Variants in KCNIP4 observed in about 807,000 individuals in gnomAD.
KCNIP4 encodes the protein potassium voltage-gated channel interacting protein 4.
KCNIP4 carries 12 observed loss-of-function variants against 34.0 expected under a neutral mutation model. The observed-to-expected ratio is 0.35, with a 90% CI of 0.23 to 0.57. The LOEUF (loss-of-function observed/expected upper bound fraction) is 0.57, where lower values mean the gene tolerates loss of function less well. Among genes scored for constraint, KCNIP4 ranks in the 20% least tolerant of loss-of-function variants. The pLI is 0.83. For synonymous variants in KCNIP4, 124 were observed against 102.2 expected (o/e 1.21, Z -1.29); for missense variants, 238 against 311.7 (o/e 0.76, Z 1.78).
intron 1 of KCNIP4, among the ~76,000 whole-genome samples, chr4:21,194,632 G>T (rs1342164578): frequency 1.3e-5 from 2 of 152,130 alleles, no homozygotes; most frequent in Admixed American, 6.5e-5. Flanking sequence ...AGTGGAAGTG[G>T]CATAGTCTTT....
Position 21,835,669 on chromosome 4 carries a change from G to A in KCNIP4, c.61+112902C>T, listed in dbSNP as rs372483544. ...TCCAACATTTACAAATTAAATTATC[G>A]GTATTTTCATACCCTATAGCCCAGA... is the stretch of plus-strand genomic sequence containing the variant. On this transcript the variant is annotated intron_variant, in intron 1 of 8. Transcript: ENST00000382152. Among the ~76,000 whole-genome samples the A allele has an allele frequency of 6.6e-5, 10 of 151,402 alleles. No homozygotes were observed. In the East Asian group the frequency reaches 7.8e-4, roughly 12 times the overall value.
chr4:20,774,696 A>T (rs538111795), intron 3 of KCNIP4, among the ~76,000 whole-genome samples: 2 of 152,286 alleles, frequency 1.3e-5, no homozygotes, highest in African/African-American at 4.8e-5. Flanking sequence ...GTGACATTTA[A>T]AGAGGGACCT....
At chr4:21,248,054 A>ATG (rs1760424254) in intron 1 of KCNIP4, among the ~76,000 whole-genome samples, 1 of 68,506 alleles carries the variant, frequency 1.5e-5, no homozygotes, top group Admixed American at 1.9e-4. Flanking sequence ...TGGAGCATAT[A>ATG]TATATATGTG....
At chr4:21,410,556 G>T (rs1724412907) in intron 1 of KCNIP4, among the ~76,000 whole-genome samples, 1 of 152,130 alleles carries the variant, frequency 6.6e-6, no homozygotes, top group Admixed American at 6.5e-5. Flanking sequence ...GTACCACCTT[G>T]TTAGCCATGT....
chr4:21,708,327 T>G (rs1483440931), intron 1 of KCNIP4, among the ~76,000 whole-genome samples: 4 of 152,124 alleles, frequency 2.6e-5, no homozygotes, highest in African/African-American at 9.7e-5. Context: ...GTTTGGCCTA[T>G]TTGCATCAGA....
intron 1 of KCNIP4, among the ~76,000 whole-genome samples, chr4:21,610,994 G>T (rs941392218): frequency 1.3e-5 from 2 of 151,918 alleles, no homozygotes; most frequent in Non-Finnish European, 2.9e-5. Flanking sequence ...ACAGGCCCCA[G>T]TGTGTGATGT....
At chr4:21,430,675 G>A (rs1359472425) in intron 1 of KCNIP4, among the ~76,000 whole-genome samples, 2 of 151,996 alleles carry the variant, frequency 1.3e-5, no homozygotes, top group Non-Finnish European at 1.5e-5. Context: ...AATAGCCTCC[G>A]AAGGTTAAAG....
intron 1 of KCNIP4, among the ~76,000 whole-genome samples, chr4:21,689,884 G>C (rs998158705): frequency 3.3e-5 from 5 of 151,736 alleles, no homozygotes; most frequent in African/African-American, 2.4e-5. Context: ...ATTACATGTT[G>C]ATCTACTGCA....
At chr4:21,514,240 T>A (rs573491155) in intron 1 of KCNIP4, among the ~76,000 whole-genome samples, 1 of 152,324 alleles carries the variant, frequency 6.6e-6, no homozygotes, top group South Asian at 2.1e-4. Context: ...GAGCTGATAT[T>A]GTTTCTAAGT....
chr4:21,529,710 G>A (rs1736513750), intron 1 of KCNIP4, among the ~76,000 whole-genome samples: 1 of 152,110 alleles, frequency 6.6e-6, no homozygotes, highest in African/African-American at 2.4e-5. Flanking sequence ...AATCTCTCAA[G>A]AGAGAATGTC....
intron 1 of KCNIP4, among the ~76,000 whole-genome samples, chr4:21,243,140 A>G (rs1759977323): frequency 6.6e-6 from 1 of 152,154 alleles, no homozygotes. Flanking sequence ...TATTCAAACC[A>G]GTAGCTGATA....
intron 1 of KCNIP4, among the ~76,000 whole-genome samples, chr4:21,378,508 A>G (rs1257973481): frequency 2.0e-5 from 3 of 152,140 alleles, no homozygotes; most frequent in Admixed American, 1.3e-4. Context: ...AAATCCAAGG[A>G]TCATTCCAAA....
intron 5 of KCNIP4, among the ~76,000 whole-genome samples, chr4:20,743,070 A>AGG: frequency 6.7e-6 from 1 of 148,852 alleles, no homozygotes; most frequent in Admixed American, 6.7e-5. Flanking sequence ...GACCCTTATA[A>AGG]GTTCACCCTT....
chr4:21,100,740 C>G (rs1230426651), intron 1 of KCNIP4, among the ~76,000 whole-genome samples: 1 of 151,962 alleles, frequency 6.6e-6, no homozygotes, highest in African/African-American at 2.4e-5. Context: ...AAGGTGTGTA[C>G]ATTGTTTTTT....
chr4:21,243,696 A>G (rs981479364), intron 1 of KCNIP4, among the ~76,000 whole-genome samples: 7 of 152,164 alleles, frequency 4.6e-5, no homozygotes, highest in South Asian at 2.1e-4. Flanking sequence ...CATAACCAAA[A>G]TCAAGTTCCC....
At chr4:21,458,149 C>A (rs547894306) in intron 1 of KCNIP4, among the ~76,000 whole-genome samples, 1 of 120,244 alleles carries the variant, frequency 8.3e-6, no homozygotes, top group South Asian at 3.5e-4. Context: ...CCCCCTCCCC[C>A]CACCCTACCA....
At chr4:21,576,505 G>A (rs1183840833) in intron 1 of KCNIP4, among the ~76,000 whole-genome samples, 2 of 152,048 alleles carry the variant, frequency 1.3e-5, no homozygotes, top group East Asian at 1.9e-4. Flanking sequence ...ATTAGACCTC[G>A]CTTGCATACT....
At chr4:21,846,886 A>G (rs975828813) in intron 1 of KCNIP4, 5 of 152,164 alleles carry the variant, frequency 3.3e-5, no homozygotes, top group African/African-American at 9.7e-5. Flanking sequence ...AGCCAAGGAG[A>G]ACACTGGCCC....
chr4:21,056,670 A>G (rs572236293), intron 1 of KCNIP4, among the ~76,000 whole-genome samples: 1 of 152,272 alleles, frequency 6.6e-6, no homozygotes, highest in East Asian at 1.9e-4. Context: ...GTGTACTTCT[A>G]ATACACAAGA....
Sources: allele counts gnomAD v4.1 joint callset (sites outside exome capture counted in the v4.1 genomes callset), GRCh38; gene constraint gnomAD v4.1.1; transcripts MANE v1.5; gene names NCBI Gene and HGNC (gene_info 2026-07-23, HGNC 2026-07-21).